EXTL3: variants seen among roughly 807,000 people sequenced by gnomAD.
EXTL3 encodes the protein exostosin like glycosyltransferase 3, also known as exostosin-like 3.
In EXTL3, 27 loss-of-function variants were observed where a neutral mutation model predicts 69.3. That is an observed-to-expected ratio of 0.39 (90% CI 0.29 to 0.54). The LOEUF (loss-of-function observed/expected upper bound fraction) is 0.54. Ranked by LOEUF, EXTL3 falls within the 20% of genes least tolerant of loss-of-function variation. EXTL3 has a pLI of 0.69. For missense variants in EXTL3, 1,003 were observed against 1,231.8 expected (o/e 0.81, Z 2.78); for synonymous variants, 511 against 499.4 (o/e 1.02, Z -0.31).
At chr8:28,695,661 C>T (rs529998223) in intron 1 of EXTL3, among the ~76,000 whole-genome samples, 3 of 152,216 alleles carry the variant, frequency 2.0e-5, no homozygotes, top group Non-Finnish European at 4.4e-5. Flanking sequence ...CACTCTGTCA[C>T]GTGACTTAGT....
intron 1 of EXTL3, among the ~76,000 whole-genome samples, chr8:28,635,801 A>G (rs956345107): frequency 6.6e-6 from 1 of 152,128 alleles, no homozygotes; most frequent in African/African-American, 2.4e-5. Context: ...ACAAGGCTAC[A>G]TTGTAATTCA....
intron 4 of EXTL3, among the ~76,000 whole-genome samples, chr8:28,734,567 C>T (rs989372469): frequency 3.9e-5 from 6 of 152,250 alleles, no homozygotes; most frequent in South Asian, 2.1e-4. Context: ...TAAAAATTAG[C>T]GGGGCGTGTT....
At chr8:28,641,500 G>A (rs997668205) in intron 1 of EXTL3, among the ~76,000 whole-genome samples, 53 of 152,086 alleles carry the variant, frequency 3.5e-4, no homozygotes, top group African/African-American at 1.1e-3. Context: ...TTTTTTAAAC[G>A]GAGTCTCACT....
At position 28,753,228 on chromosome 8, in the gene EXTL3, CG is replaced by C. The variant is rs914586115; in HGVS notation, c.*2365del. ...GTCACTGGTCAGGTGCTTCTCACCA[CG>C]GGAAAGCCGCCGACCTGTGACTCGC... On this transcript the variant is annotated 3_prime_UTR_variant, in exon 7 of 7. Transcript: ENST00000220562. 29 of 152,236 alleles carry C rather than the reference CG, an allele frequency of 1.9e-4. No homozygotes were observed. The highest frequency in any genetic ancestry group is 6.8e-4 in the African/African-American group (28 of 41,462). 9.4% of individuals were successfully genotyped at this position (152,236 alleles called of 1,614,324 possible).
intron 1 of EXTL3, among the ~76,000 whole-genome samples, chr8:28,657,875 G>A (rs1048712034): frequency 1.2e-4 from 18 of 152,068 alleles, no homozygotes; most frequent in African/African-American, 4.3e-4. Context: ...TGACCTCCTG[G>A]GCTTCACTCC....
At chr8:28,619,792 C>G (rs1436520050), upstream of EXTL3, among the ~76,000 whole-genome samples, 4 of 132,062 alleles carry the variant, frequency 3.0e-5, no homozygotes, top group Non-Finnish European at 6.2e-5. Context: ...GCTTTTATTT[C>G]TGGAGAGCCA....
At chr8:28,676,481 A>G (rs1199845624) in intron 1 of EXTL3, among the ~76,000 whole-genome samples, 1 of 152,196 alleles carries the variant, frequency 6.6e-6, no homozygotes, top group African/African-American at 2.4e-5. Context: ...TTTAGGAGAT[A>G]CTAAGTTGGT....
chr8:28,646,144 G>T (rs1358025099), intron 1 of EXTL3, among the ~76,000 whole-genome samples: 1 of 152,150 alleles, frequency 6.6e-6, no homozygotes, highest in Non-Finnish European at 1.5e-5. Flanking sequence ...TTATAGGCCT[G>T]AGCCACTGTG....
At chr8:28,649,086 C>T (rs189639749) in intron 1 of EXTL3, among the ~76,000 whole-genome samples, 1 of 151,794 alleles carries the variant, frequency 6.6e-6, no homozygotes, top group African/African-American at 2.4e-5. Context: ...TTTTATAGAG[C>T]CAGGACAGGA....
chr8:28,722,774 TAAAAA>T (rs397711641), intron 3 of EXTL3, among the ~76,000 whole-genome samples: 7 of 97,602 alleles, frequency 7.2e-5, no homozygotes, highest in Admixed American at 1.1e-4. Context: ...ACCCTGTCTC[TAAAAA>T]AAAAAAAAAA....
At chr8:28,739,163 G>A (rs1399681579) in intron 5 of EXTL3, among the ~76,000 whole-genome samples, 1 of 152,070 alleles carries the variant, frequency 6.6e-6, no homozygotes, top group Non-Finnish European at 1.5e-5. Context: ...ATTGTTTCCA[G>A]CATATCTCCC....
In EXTL3 at chr8:28,742,849, A is replaced by T. The variant is rs112703539; in HGVS notation, c.2422-237A>T. On this transcript the variant is annotated intron_variant, in intron 5 of 6. Coordinates refer to ENST00000220562, the MANE Select transcript of EXTL3 (RefSeq NM_001440.4). ...AAATCACTGCGGTACCAGGGAGATG[A>T]TATGACATTCTGTTACTAAAGGGGG... 7.6e-3 allele frequency: 4,039 copies of T among 531,536 alleles called. 30 individuals carry two copies. The highest frequency in any genetic ancestry group is 9.2e-3 in the Non-Finnish European group (2,658 of 288,770). The allele number at this position is 531,536 out of a possible 1,614,324, so 32.9% of individuals were successfully genotyped here. A position where few individuals can be genotyped will look rare whatever the true frequency, so the allele number is the denominator to read the frequency against.
chr8:28,685,907 C>T (rs1435245876), intron 1 of EXTL3: 1 of 151,624 alleles, frequency 6.6e-6, no homozygotes, highest in Non-Finnish European at 1.5e-5. Flanking sequence ...TCTTGTCACT[C>T]AAGCTGGAGT....
intron 3 of EXTL3, among the ~76,000 whole-genome samples, chr8:28,728,315 A>G (rs954944492): frequency 6.6e-6 from 1 of 152,240 alleles, no homozygotes; most frequent in African/African-American, 2.4e-5. Context: ...ACAGCTGCTA[A>G]GGTGAGCACT....
intron 1 of EXTL3, among the ~76,000 whole-genome samples, chr8:28,691,891 C>T (rs1585253660): frequency 6.6e-6 from 1 of 151,806 alleles, no homozygotes; most frequent in East Asian, 1.9e-4. Context: ...CAGCGAAACT[C>T]CGTCTCAAAA....
At chr8:28,701,982 C>T (rs1800813331) in intron 1 of EXTL3, among the ~76,000 whole-genome samples, 1 of 152,128 alleles carries the variant, frequency 6.6e-6, no homozygotes, top group South Asian at 2.1e-4. Context: ...TGCTCGGGAC[C>T]CGCCTCCACC....
At chr8:28,737,123 T>C (rs111254727) in intron 4 of EXTL3, among the ~76,000 whole-genome samples, 16 of 152,356 alleles carry the variant, frequency 1.1e-4, no homozygotes, top group African/African-American at 3.1e-4. Context: ...TCTTGGAAAT[T>C]AAATAAGCTA....
At chr8:28,665,584 G>T (rs1382522015) in intron 1 of EXTL3, among the ~76,000 whole-genome samples, 4 of 151,614 alleles carry the variant, frequency 2.6e-5, no homozygotes, top group Non-Finnish European at 5.9e-5. Context: ...GCTAATTTTT[G>T]TATTTCTTGT....
At position 28,717,615 on chromosome 8, in the gene EXTL3, A is replaced by T. The variant is rs1801190498; in HGVS notation, c.1556A>T (p.Tyr519Phe). The change falls in exon 3 of 7, where the codon TAC becomes TTC. Residue 519 changes from tyrosine to phenylalanine, a missense_variant. Tyr to Phe is a conservative substitution (Grantham distance 22). Around this residue, in one of 2 missense-constraint regions of EXTL3, gnomAD observed 742 missense variants for 815.4 expected, o/e 0.91. Coordinates refer to ENST00000220562, the MANE Select transcript of EXTL3 (RefSeq NM_001440.4). This position sits in a 1 kb window ranked among gnomAD's most constrained non-coding sequence, Gnocchi z 8.3. ...RRQGRFLWET[Y>F]FSTADSIFNT... ...CAAGGCCGCTTTCTCTGGGAGACTTACTTCTCCACTGCTGACAGTATTTTT... is the reference window on the plus strand; with the variant it reads ...CAAGGCCGCTTTCTCTGGGAGACTTTCTTCTCCACTGCTGACAGTATTTTT... 1 of 1,614,116 alleles carries T rather than the reference A, an allele frequency of 6.2e-7. No homozygotes were observed. The highest frequency in any genetic ancestry group is 8.5e-7 in the Non-Finnish European group (1 of 1,180,050).
Sources: gnomAD v4.1 joint callset for allele counts (sites outside exome capture counted in the v4.1 genomes callset) on GRCh38, gnomAD v4.1.1 for gene constraint, gnomAD v4.1.1 regional missense constraint, Gnocchi (gnomAD v3.1) non-coding constraint, MANE v1.5 for transcripts, NCBI Gene and HGNC (gene_info 2026-07-23, HGNC 2026-07-21) for gene names.